IGF1: variants seen among roughly 807,000 people sequenced by gnomAD.
The protein encoded by IGF1 is insulin-like growth factor 1.
IGF1 carries 4 observed loss-of-function variants against 13.8 expected under a neutral mutation model. The observed-to-expected ratio is 0.29, with a 90% CI of 0.14 to 0.66. The LOEUF (loss-of-function observed/expected upper bound fraction) is 0.66. Ranked by LOEUF, IGF1 falls within the 30% of genes least tolerant of loss-of-function variation. The pLI is 0.78. For synonymous variants in IGF1, 76 were observed against 72.6 expected (o/e 1.05, Z -0.23); for missense variants, 124 against 188.5 (o/e 0.66, Z 2.00).
chr12:102,439,493 A>G (rs1032323729), intron 2 of IGF1, among the ~76,000 whole-genome samples: 4 of 152,238 alleles, frequency 2.6e-5, no homozygotes, highest in Non-Finnish European at 5.9e-5. Context: ...GGCAGAGACA[A>G]GTACTATAAC....
intron 1 of IGF1, among the ~76,000 whole-genome samples, chr12:102,476,410 TGAGAGAGAGA>T (rs36047405): frequency 4.3e-5 from 6 of 139,130 alleles, no homozygotes; most frequent in East Asian, 2.1e-4. Flanking sequence ...TTCCTCAATA[TGAGAGAGAGA>T]GAGAGAGAGA....
At chr12:102,424,264 A>G (rs1037370450) in intron 2 of IGF1, among the ~76,000 whole-genome samples, 1 of 150,484 alleles carries the variant, frequency 6.6e-6, no homozygotes, top group African/African-American at 2.5e-5. Flanking sequence ...TGAAAGGAGG[A>G]AAAAAGAGGT....
intron 3 of IGF1, among the ~76,000 whole-genome samples, chr12:102,407,318 C>G (rs1388389467): frequency 6.6e-6 from 1 of 152,096 alleles, no homozygotes; most frequent in African/African-American, 2.4e-5. Flanking sequence ...TGCTTGAGGT[C>G]ACAGAGGAAC....
chr12:102,452,053 A>G (rs1047105604), intron 2 of IGF1, among the ~76,000 whole-genome samples: 5 of 151,908 alleles, frequency 3.3e-5, no homozygotes, highest in Admixed American at 2.0e-4. Flanking sequence ...ACGAGGTTAG[A>G]AGATCAAGAC....
chr12:102,461,718 A>C (rs570290252), intron 2 of IGF1, among the ~76,000 whole-genome samples: 1 of 152,284 alleles, frequency 6.6e-6, no homozygotes, highest in Admixed American at 6.5e-5. Context: ...TTTCCAGTTC[A>C]CAGAAGGTCA....
At chr12:102,445,165 T>C (rs910194902) in intron 2 of IGF1, among the ~76,000 whole-genome samples, 6 of 151,218 alleles carry the variant, frequency 4.0e-5, no homozygotes, top group Non-Finnish European at 8.9e-5. Flanking sequence ...TGAAGTCAGG[T>C]AGCGTGATGC....
chr12:102,440,266 C>G (rs550584469), intron 2 of IGF1, among the ~76,000 whole-genome samples: 4 of 152,266 alleles, frequency 2.6e-5, no homozygotes, highest in African/African-American at 7.2e-5. Flanking sequence ...TTCTCCAGCC[C>G]CCACAGAGAG....
In IGF1 at chr12:102,402,417, T is replaced by C; in HGVS notation, c.*90A>G. On this transcript the variant is annotated 3_prime_UTR_variant, in exon 4 of 4. Transcript: ENST00000337514. ...TTTAAATGTTATCAAACTTATTTTTTGGTAGGTGTTCCAAAGTTTAACAGG... is the reference window on the plus strand; with the variant it reads ...TTTAAATGTTATCAAACTTATTTTTCGGTAGGTGTTCCAAAGTTTAACAGG... 1 of 778,344 alleles carries C rather than the reference T, an allele frequency of 1.3e-6. No homozygotes were observed. Among genetic ancestry groups the C allele is most frequent in the Non-Finnish European group, 2.4e-6 (1 of 416,678 alleles). 48.2% of individuals were successfully genotyped at this position (778,344 alleles called of 1,614,324 possible). A position where few individuals can be genotyped will look rare whatever the true frequency, so the allele number is the denominator to read the frequency against.
chr12:102,473,993 C>T (rs1041008720), intron 2 of IGF1, among the ~76,000 whole-genome samples: 1 of 152,124 alleles, frequency 6.6e-6, no homozygotes, highest in East Asian at 1.9e-4. Flanking sequence ...CACTTCTAGG[C>T]TTGGCAATTA....
chr12:102,452,924 T>G (rs1442869330), intron 2 of IGF1, among the ~76,000 whole-genome samples: 2 of 152,188 alleles, frequency 1.3e-5, no homozygotes, highest in Non-Finnish European at 2.9e-5. Flanking sequence ...AATTGCTGGG[T>G]TAGCAACACG....
At chr12:102,454,869 C>G (rs1170967087) in intron 2 of IGF1, among the ~76,000 whole-genome samples, 1 of 152,222 alleles carries the variant, frequency 6.6e-6, no homozygotes, top group African/African-American at 2.4e-5. Context: ...TTGGTGATTT[C>G]AGGCTCATGC....
rs952795696 is a variant in IGF1 at position 102,480,498 on chromosome 12, T to C, written c.-117A>G. On this transcript the variant is annotated 5_prime_UTR_variant, in exon 1 of 4. The change creates a new upstream start codon in the 5' untranslated region. Coordinates refer to ENST00000337514, the MANE Select transcript of IGF1 (RefSeq NM_000618.5). ...TGTCACATTTCAATTTTGAGGACTT[T>C]ATTCCATTGCGCAGGCTCTATCTGC... The C allele has an allele frequency of 1.3e-6, 2 of 1,561,598 alleles. No individual in the cohort carries two copies. The highest frequency in any genetic ancestry group is 2.3e-5 in the East Asian group (1 of 43,312).
At chr12:102,427,608 C>T (rs1876324889) in intron 2 of IGF1, among the ~76,000 whole-genome samples, 1 of 152,128 alleles carries the variant, frequency 6.6e-6, no homozygotes, top group Admixed American at 6.5e-5. Flanking sequence ...GTGGGAGTGA[C>T]ATGGCCAGGA....
At chr12:102,479,979 A>G (rs1377202069) in intron 1 of IGF1, among the ~76,000 whole-genome samples, 1 of 151,578 alleles carries the variant, frequency 6.6e-6, no homozygotes, top group Non-Finnish European at 1.5e-5. Context: ...TGCAAAAGAA[A>G]AAAAAAATCC....
At chr12:102,458,076 CTGG>C (rs1161307832) in intron 2 of IGF1, among the ~76,000 whole-genome samples, 3 of 152,190 alleles carry the variant, frequency 2.0e-5, no homozygotes, top group Non-Finnish European at 4.4e-5. Flanking sequence ...GGATCCATTT[CTGG>C]TGCCTGAGAT....
chr12:102,437,000 C>T (rs982204773), intron 2 of IGF1, among the ~76,000 whole-genome samples: 1 of 152,246 alleles, frequency 6.6e-6, no homozygotes, highest in Admixed American at 6.5e-5. Context: ...TTCCTCCAGG[C>T]CCCTGTTTCC....
intron 2 of IGF1, among the ~76,000 whole-genome samples, chr12:102,456,264 G>GTA (rs758201667): frequency 4.3e-5 from 6 of 138,984 alleles, no homozygotes; most frequent in African/African-American, 1.6e-4. Flanking sequence ...GTGTGTGTGT[G>GTA]TGTATTGTCT....
At chr12:102,441,942 T>TCTCCTTCTCCTTCTCCTTCTCCTTCTC (rs767868929) in intron 2 of IGF1, among the ~76,000 whole-genome samples, 1 of 139,470 alleles carries the variant, frequency 7.2e-6, no homozygotes, top group Admixed American at 7.9e-5. Context: ...TTCTTCTTCT[T>TCTCCTTCTCCTTCTCCTTCTCCTTCTC]CTTCTTCTTC....
At chr12:102,463,348 G>C (rs956191567) in intron 2 of IGF1, 5 of 152,204 alleles carry the variant, frequency 3.3e-5, no homozygotes, top group Non-Finnish European at 5.9e-5. Context: ...GCTTCTTCAT[G>C]GAAGATCTTC....
Sources: allele counts gnomAD v4.1 joint callset (sites outside exome capture counted in the v4.1 genomes callset), GRCh38; gene constraint gnomAD v4.1.1; transcripts MANE v1.5; gene names NCBI Gene and HGNC (gene_info 2026-07-23, HGNC 2026-07-21).